The following RNLS variants were observed in gnomAD, a reference collection of about 807,000 sequenced individuals.
RNLS encodes renalase.
Under a neutral mutation model 39.8 loss-of-function variants are expected in RNLS, and 39 were observed. That is an observed-to-expected ratio of 0.98 (90% confidence interval 0.76 to 1.28). The LOEUF (loss-of-function observed/expected upper bound fraction) is 1.28. Ranked by LOEUF, RNLS falls within the 50% of genes most tolerant of loss-of-function variation. RNLS has a pLI of 0.00. For missense variants in RNLS, 410 were observed against 413.3 expected, an observed-to-expected ratio of 0.99 and a Z score of 0.07; for synonymous variants, 147 against 150.7, an observed-to-expected ratio of 0.98 and a Z score of 0.18.
chr10:88,324,643 T>C (rs897399063), intron 5 of RNLS, among the ~76,000 whole-genome samples: 2 of 152,152 alleles, frequency 1.3e-5, no homozygotes, highest in Non-Finnish European at 2.9e-5. Context: ...ATGGGTTTAC[T>C]AGAAGCCCAA....
chr10:88,218,317 C>G, the RNLS span, among the ~76,000 whole-genome samples: 2 of 152,166 alleles, frequency 1.3e-5, no homozygotes, highest in African/African-American at 4.8e-5. Flanking sequence ...TAGACATTTC[C>G]AAGAAAAATG....
intron 6 of RNLS, among the ~76,000 whole-genome samples, chr10:88,295,339 T>A (rs1844004944): frequency 6.6e-6 from 1 of 152,174 alleles, no homozygotes; most frequent in African/African-American, 2.4e-5. Flanking sequence ...TCTAATCATC[T>A]TATGCTACAG....
intron 4 of RNLS, among the ~76,000 whole-genome samples, chr10:88,425,085 C>A (rs1854656674): frequency 6.6e-6 from 1 of 152,026 alleles, no homozygotes; most frequent in South Asian, 2.1e-4. Context: ...TGGGTGATAT[C>A]CATGCCACAG....
At chr10:88,340,757 T>C (rs1270558600) in intron 5 of RNLS, among the ~76,000 whole-genome samples, 1 of 152,144 alleles carries the variant, frequency 6.6e-6, no homozygotes, top group Non-Finnish European at 1.5e-5. Flanking sequence ...TAATATTCCC[T>C]GTAGAATGTA....
intron 4 of RNLS, among the ~76,000 whole-genome samples, chr10:88,392,596 A>G (rs1351351882): frequency 6.6e-6 from 1 of 152,200 alleles, no homozygotes; most frequent in Non-Finnish European, 1.5e-5. Context: ...ATGGCCACCT[A>G]TGACAAAGAA....
intron 4 of RNLS, among the ~76,000 whole-genome samples, chr10:88,446,679 T>C (rs901076339): frequency 5.3e-5 from 8 of 151,738 alleles, no homozygotes; most frequent in African/African-American, 1.9e-4. Flanking sequence ...GAGAATACTA[T>C]AAACACCTCT....
At chr10:88,436,872 T>C (rs974560009) in intron 4 of RNLS, among the ~76,000 whole-genome samples, 3 of 152,242 alleles carry the variant, frequency 2.0e-5, no homozygotes, top group Admixed American at 6.5e-5. Flanking sequence ...AAAATCAGTT[T>C]GCAGATACAA....
rs1021182218 is a variant in RNLS, at chr10:88,343,951, T to C, written c.700+18601A>G. 3.0e-5 allele frequency: 10 copies of C among 338,286 alleles called. No individual in the cohort carries two copies. The East Asian group carries it at 1.2e-3, about 40-fold the overall frequency. 21.0% of individuals were successfully genotyped at this position (338,286 alleles called of 1,614,324 possible). On this transcript the variant is annotated intron_variant, in intron 5 of 6. Coordinates refer to ENST00000331772, the MANE Select transcript of RNLS (RefSeq NM_001031709.3). ...ACAATGCCTAAAAAAGCCCTGGTTT[T>C]CTATGATGACAGTCCACTAAAATGC...
intron 4 of RNLS, among the ~76,000 whole-genome samples, chr10:88,544,423 A>G (rs934861880): frequency 9.9e-5 from 15 of 152,188 alleles, no homozygotes; most frequent in Admixed American, 5.9e-4. Context: ...ATATTTGTCA[A>G]TCTTCTCTTT....
chr10:88,306,569 G>A (rs998044039), intron 6 of RNLS, among the ~76,000 whole-genome samples: 2 of 152,072 alleles, frequency 1.3e-5, no homozygotes, highest in Non-Finnish European at 2.9e-5. Flanking sequence ...TTATTAACTA[G>A]AAAATATACA....
chr10:88,424,807 C>A (rs1165668228), intron 4 of RNLS, among the ~76,000 whole-genome samples: 1 of 152,082 alleles, frequency 6.6e-6, no homozygotes, highest in African/African-American at 2.4e-5. Context: ...CTGTTGAGCA[C>A]TGGGGCAGAG....
At chr10:88,304,578 G>C (rs1361464483) in intron 6 of RNLS, among the ~76,000 whole-genome samples, 2 of 152,180 alleles carry the variant, frequency 1.3e-5, no homozygotes, top group East Asian at 3.8e-4. Context: ...AGACCAAGTG[G>C]AGGAAAGAAT....
chr10:88,434,300 G>C (rs796741536), intron 4 of RNLS, among the ~76,000 whole-genome samples: 4 of 152,206 alleles, frequency 2.6e-5, no homozygotes, highest in African/African-American at 9.6e-5. Context: ...GTGTGTGGGT[G>C]TATTAACAAG....
At chr10:88,173,332 C>A in the RNLS span, among the ~76,000 whole-genome samples, 1 of 152,094 alleles carries the variant, frequency 6.6e-6, no homozygotes, top group East Asian at 1.9e-4. Flanking sequence ...TAGTCTATTT[C>A]TTTGGTCTAC....
chr10:88,303,458 A>G (rs886879739), intron 6 of RNLS, among the ~76,000 whole-genome samples: 2 of 152,158 alleles, frequency 1.3e-5, no homozygotes, highest in African/African-American at 4.8e-5. Flanking sequence ...GCGGCCCTAC[A>G]CTATAGCTTC....
the RNLS span, among the ~76,000 whole-genome samples, chr10:88,217,826 G>C: frequency 1.3e-5 from 2 of 151,580 alleles, no homozygotes; most frequent in Middle Eastern, 3.4e-3. Context: ...GATCACCTGA[G>C]GTCAGGAGTT....
chr10:88,366,893 C>A (rs536412538), intron 4 of RNLS, among the ~76,000 whole-genome samples: 1 of 151,508 alleles, frequency 6.6e-6, no homozygotes, highest in Non-Finnish European at 1.5e-5. Flanking sequence ...GTGGAGCTCT[C>A]TATTAAACCA....
chr10:88,460,462 G>T (rs761492487), intron 4 of RNLS, among the ~76,000 whole-genome samples: 24 of 152,012 alleles, frequency 1.6e-4, no homozygotes, highest in Non-Finnish European at 3.1e-4. Flanking sequence ...TCCACCTGAG[G>T]TCTCATCAAC....
At chr10:88,385,794 C>G (rs1234945699) in intron 4 of RNLS, among the ~76,000 whole-genome samples, 1 of 152,152 alleles carries the variant, frequency 6.6e-6, no homozygotes, top group African/African-American at 2.4e-5. Flanking sequence ...GCTTAGTCCA[C>G]CTGGTGGTTG....
Sources: allele counts gnomAD v4.1 joint callset (sites outside exome capture counted in the v4.1 genomes callset), GRCh38; gene constraint gnomAD v4.1.1; transcripts MANE v1.5; gene names NCBI Gene and HGNC (gene_info 2026-07-23, HGNC 2026-07-21).